DYM: variants seen among roughly 807,000 people sequenced by gnomAD.
DYM encodes dymeclin.
A neutral mutation model predicts 93.1 loss-of-function variants in DYM; 78 were observed. The ratio of observed to expected loss-of-function variants is 0.84; its 90% CI spans 0.70 to 1.01. The LOEUF is 1.01. Among genes scored for constraint, DYM ranks in the 50% least tolerant of loss-of-function variants. The pLI is 0.00. For synonymous variants in DYM, 321 were observed against 319.7 expected (o/e 1.00, Z -0.04); for missense variants, 789 against 845.0 (o/e 0.93, Z 0.82).
At chr18:49,362,222 G>A (rs2066096957) in intron 6 of DYM, among the ~76,000 whole-genome samples, 1 of 152,048 alleles carries the variant, frequency 6.6e-6, no homozygotes, top group African/African-American at 2.4e-5. Context: ...ATGAGGCCAG[G>A]CACGGTGGCT....
chr18:49,096,094 A>G (rs190102884), intron 17 of DYM, among the ~76,000 whole-genome samples: 1 of 152,356 alleles, frequency 6.6e-6, no homozygotes, highest in Admixed American at 6.5e-5. Flanking sequence ...GTCTTACTTT[A>G]TGTAAAAATG....
At chr18:49,260,098 C>T (rs1437040494) in intron 11 of DYM, among the ~76,000 whole-genome samples, 1 of 152,092 alleles carries the variant, frequency 6.6e-6, no homozygotes, top group African/African-American at 2.4e-5. Context: ...AAAGCAAAGT[C>T]GCTTAAGATT....
chr18:49,139,882 A>G (rs1372477823), intron 15 of DYM, among the ~76,000 whole-genome samples: 1 of 151,992 alleles, frequency 6.6e-6, no homozygotes. Flanking sequence ...TCCTTTTCTT[A>G]TTCTCTTTTG....
At chr18:49,051,032 A>T (rs993889017) in intron 17 of DYM, among the ~76,000 whole-genome samples, 1 of 152,224 alleles carries the variant, frequency 6.6e-6, no homozygotes, top group Non-Finnish European at 1.5e-5. Flanking sequence ...AATAAGTCAC[A>T]TGAAAAAGAG....
At chr18:49,238,793 A>C (rs989345097) in intron 13 of DYM, among the ~76,000 whole-genome samples, 1 of 147,168 alleles carries the variant, frequency 6.8e-6, no homozygotes, top group Non-Finnish European at 1.5e-5. Context: ...CTCCGTCTCA[A>C]AAAAAAAAAA....
At chr18:49,290,144 G>T in intron 8 of DYM, among the ~76,000 whole-genome samples, 1 of 150,740 alleles carries the variant, frequency 6.6e-6, no homozygotes. Flanking sequence ...CTGTAATATT[G>T]TTTATAATGG....
chr18:49,162,782 A>ATGAGGACT (rs765293803), intron 15 of DYM, among the ~76,000 whole-genome samples: 19 of 152,216 alleles, frequency 1.2e-4, no homozygotes, highest in South Asian at 1.0e-3. Context: ...GGAATTGAGA[A>ATGAGGACT]TGAGGACTTT....
intron 13 of DYM, among the ~76,000 whole-genome samples, chr18:49,241,776 A>C (rs1011230337): frequency 6.6e-6 from 1 of 152,224 alleles, no homozygotes; most frequent in Non-Finnish European, 1.5e-5. Flanking sequence ...ATATCTGCCG[A>C]AGGTAGGGGC....
chr18:49,274,500 A>T (rs2094798592), intron 10 of DYM, among the ~76,000 whole-genome samples: 1 of 152,164 alleles, frequency 6.6e-6, no homozygotes, highest in Non-Finnish European at 1.5e-5. Context: ...TCTCTTGGGT[A>T]TATATCTAGC....
At chr18:49,446,776 C>A (rs1312029673) in intron 1 of DYM, among the ~76,000 whole-genome samples, 1 of 151,890 alleles carries the variant, frequency 6.6e-6, no homozygotes, top group African/African-American at 2.4e-5. Flanking sequence ...AAGTTAAGAC[C>A]AGCTGGGTGC....
chr18:49,085,357 C>T (rs2145280505), intron 17 of DYM, among the ~76,000 whole-genome samples: 1 of 152,226 alleles, frequency 6.6e-6, no homozygotes, highest in East Asian at 1.9e-4. Context: ...AAAGAACATG[C>T]TTTGATGTGC....
At chr18:49,336,612 A>G (rs1383885622) in intron 6 of DYM, among the ~76,000 whole-genome samples, 2 of 152,228 alleles carry the variant, frequency 1.3e-5, no homozygotes, top group African/African-American at 4.8e-5. Context: ...CTTATCACAC[A>G]GTATTTTTGC....
rs1555664199 is a variant in DYM, at chr18:49,258,851, G to GAGAGAGATAGCAC, written c.1252-359_1252-358insGTGCTATCTCTCT. Among the ~76,000 whole-genome samples, 74 of 73,822 alleles carry GAGAGAGATAGCAC rather than the reference G, an allele frequency of 1.0e-3. 1 individual carries two copies. The highest frequency in any genetic ancestry group is 4.9e-3 in the African/African-American group (72 of 14,698). The allele number at this position is 73,822 out of a possible 152,430, so 48.4% of individuals were successfully genotyped here. A position where few individuals can be genotyped will look rare whatever the true frequency, so the allele number is the denominator to read the frequency against. On this transcript the variant is annotated intron_variant, in intron 11 of 17. Coordinates refer to ENST00000675505, the MANE Select transcript of DYM (RefSeq NM_001353214.3). ...ACACACACACACACAGAGAGAGAGA[G>GAGAGAGATAGCAC]AGAGAGAGAGAGAGAGAGAGAGAGA...
At chr18:49,066,769 A>G (rs956850217) in intron 17 of DYM, among the ~76,000 whole-genome samples, 13 of 151,144 alleles carry the variant, frequency 8.6e-5, no homozygotes, top group Non-Finnish European at 1.6e-4. Context: ...TGCTTTTCTT[A>G]TCCCTGATCT....
At chr18:49,107,229 G>C (rs2145769927) in intron 16 of DYM, among the ~76,000 whole-genome samples, 1 of 152,310 alleles carries the variant, frequency 6.6e-6, no homozygotes, top group East Asian at 1.9e-4. Flanking sequence ...TCGTCACGTA[G>C]TTCTCGTTCC....
intron 16 of DYM, among the ~76,000 whole-genome samples, chr18:49,109,635 T>C (rs190133719): frequency 9.2e-5 from 14 of 152,302 alleles, no homozygotes; most frequent in Non-Finnish European, 1.6e-4. Flanking sequence ...AGCATCTGCA[T>C]TACCACACTG....
chr18:49,160,354 G>A (rs1039484219), intron 15 of DYM, among the ~76,000 whole-genome samples: 8 of 152,090 alleles, frequency 5.3e-5, no homozygotes, highest in Admixed American at 3.9e-4. Context: ...TGGAACTTGC[G>A]ATTAGCTTTC....
At chr18:49,190,975 A>G (rs2090913770) in intron 14 of DYM, among the ~76,000 whole-genome samples, 1 of 152,154 alleles carries the variant, frequency 6.6e-6, no homozygotes, top group Non-Finnish European at 1.5e-5. Context: ...TTTTTTAGGT[A>G]AGGCTTCTGG....
At chr18:49,381,798 G>C (rs2068065826) in intron 3 of DYM, among the ~76,000 whole-genome samples, 1 of 151,934 alleles carries the variant, frequency 6.6e-6, no homozygotes, top group Non-Finnish European at 1.5e-5. Context: ...ATAGATATGT[G>C]ATCAGATAGT....
Sources: allele counts gnomAD v4.1 joint callset (sites outside exome capture counted in the v4.1 genomes callset), GRCh38; gene constraint gnomAD v4.1.1; transcripts MANE v1.5; gene names NCBI Gene and HGNC (gene_info 2026-07-23, HGNC 2026-07-21).